The following UGT8 variants were observed in gnomAD, a reference collection of about 807,000 sequenced individuals.
The protein encoded by UGT8 is 2-hydroxyacylsphingosine 1-beta-galactosyltransferase.
In UGT8, 12 loss-of-function variants were observed where a neutral mutation model predicts 40.5. The observed-to-expected ratio is 0.30, with a 90% CI of 0.19 to 0.48. UGT8 has a LOEUF of 0.48. Ranked by LOEUF, UGT8 falls within the 20% of genes least tolerant of loss-of-function variation. The pLI is 0.99. For missense variants in UGT8, 513 were observed against 648.7 expected (o/e 0.79, Z 2.27); for synonymous variants, 224 against 240.4 (o/e 0.93, Z 0.63).
At chr4:114,664,423 C>T (rs986014320) in intron 3 of UGT8, among the ~76,000 whole-genome samples, 3 of 152,100 alleles carry the variant, frequency 2.0e-5, no homozygotes, top group South Asian at 2.1e-4. Flanking sequence ...GTTCTACCCT[C>T]GTTTACTCTT....
chr4:114,653,837 A>C (rs1734021884), intron 2 of UGT8, among the ~76,000 whole-genome samples: 1 of 152,116 alleles, frequency 6.6e-6, no homozygotes, highest in Non-Finnish European at 1.5e-5. Flanking sequence ...AATGAAGCTC[A>C]TGAATCTGAA....
chr4:114,661,761 C>T (rs1313225192), intron 2 of UGT8, among the ~76,000 whole-genome samples: 1 of 152,172 alleles, frequency 6.6e-6, no homozygotes, highest in African/African-American at 2.4e-5. Context: ...CACCTTGGTT[C>T]CCACTCTTCC....
chr4:114,667,327 T>C (rs1346854126), intron 4 of UGT8, among the ~76,000 whole-genome samples: 3 of 152,226 alleles, frequency 2.0e-5, no homozygotes, highest in Admixed American at 1.3e-4. Flanking sequence ...TGTTTTTGTT[T>C]TGTTTTGTTT....
At chr4:114,644,865 A>T (rs147362573) in intron 2 of UGT8, among the ~76,000 whole-genome samples, 1 of 152,094 alleles carries the variant, frequency 6.6e-6, no homozygotes, top group South Asian at 2.1e-4. Context: ...CTTGCCTCTT[A>T]AGTTATCATT....
intron 1 of UGT8, among the ~76,000 whole-genome samples, chr4:114,606,186 T>C (rs1305885510): frequency 6.6e-6 from 1 of 152,204 alleles, no homozygotes; most frequent in Non-Finnish European, 1.5e-5. Context: ...CACTTAAGTC[T>C]TAATCTGATT....
chr4:114,640,755 A>C (rs959852075), intron 2 of UGT8, among the ~76,000 whole-genome samples: 1 of 152,088 alleles, frequency 6.6e-6, no homozygotes, highest in African/African-American at 2.4e-5. Flanking sequence ...TGTGCAGAAA[A>C]ATTCCTGTTT....
chr4:114,665,848 C>A, intron 4 of UGT8, 92 bp downstream of exon 4: 3 of 944,292 alleles, frequency 3.2e-6, no homozygotes, highest in Non-Finnish European at 3.2e-6. Flanking sequence ...GAGGTTCATA[C>A]GGTATACGGT....
intron 1 of UGT8, among the ~76,000 whole-genome samples, chr4:114,608,550 A>G (rs1730865997): frequency 6.6e-6 from 1 of 152,098 alleles, no homozygotes; most frequent in Non-Finnish European, 1.5e-5. Context: ...GGTGTTCTAT[A>G]TAGGAACAAC....
chr4:114,668,383 T>G, intron 5 of UGT8, 79 bp downstream of exon 5: 1 of 1,156,776 alleles, frequency 8.6e-7, no homozygotes, highest in South Asian at 1.4e-5. Context: ...TTTCAATAGA[T>G]TGTCAATAAA....
Position 114,650,833 on chromosome 4 carries a change from T to C in UGT8, c.823-13162T>C, listed in dbSNP as rs370098524. 3.9e-5 allele frequency among the ~76,000 whole-genome samples: 6 copies of C among 152,122 alleles called. No individual in the cohort carries two copies. The East Asian group carries it at 9.6e-4, about 24-fold the overall frequency. On this transcript the variant is annotated intron_variant, in intron 2 of 5. Transcript: ENST00000310836. ...CTACTCTTTCACTGATATATTTCTT[T>C]CTTGCTTTTTCATACAAAGGTTTTG...
intron 2 of UGT8, among the ~76,000 whole-genome samples, chr4:114,662,230 A>G (rs1392654521): frequency 6.6e-6 from 1 of 152,200 alleles, no homozygotes; most frequent in Non-Finnish European, 1.5e-5. Flanking sequence ...GCCTACCTGA[A>G]ACGTACTCAG....
In UGT8 at chr4:114,631,699, C is replaced by G. The variant is rs146974403; in HGVS notation, c.822+7997C>G. ...ATACTGTTGGTCAGATGACCAGCCACTATTTGAGAACCATTAATTTAAACT... is the reference window on the plus strand; with the variant it reads ...ATACTGTTGGTCAGATGACCAGCCAGTATTTGAGAACCATTAATTTAAACT... On this transcript the variant is annotated intron_variant, in intron 2 of 5. Transcript: ENST00000310836. 5.3e-4 allele frequency among the ~76,000 whole-genome samples: 81 copies of G among 152,280 alleles called. 1 individual carries two copies. In the East Asian group the frequency reaches 0.014, roughly 27 times the overall value.
intron 1 of UGT8, among the ~76,000 whole-genome samples, chr4:114,601,207 G>A (rs1488322334): frequency 6.6e-6 from 1 of 151,838 alleles, no homozygotes; most frequent in African/African-American, 2.4e-5. Flanking sequence ...CAATTTTTTT[G>A]GATAAAAACT....
chr4:114,650,034 A>T (rs769355119), intron 2 of UGT8, among the ~76,000 whole-genome samples: 1 of 152,190 alleles, frequency 6.6e-6, no homozygotes, highest in Non-Finnish European at 1.5e-5. Context: ...TTTCATTGGT[A>T]TGCAGAGATT....
At chr4:114,674,549 T>C (rs1735501579) in intron 5 of UGT8, among the ~76,000 whole-genome samples, 1 of 152,238 alleles carries the variant, frequency 6.6e-6, no homozygotes, top group Non-Finnish European at 1.5e-5. Context: ...CCTGATATAA[T>C]GGCTCTTTGG....
At chr4:114,656,050 T>C (rs1734169238) in intron 2 of UGT8, among the ~76,000 whole-genome samples, 1 of 152,176 alleles carries the variant, frequency 6.6e-6, no homozygotes, top group Non-Finnish European at 1.5e-5. Flanking sequence ...AGGGATGCTA[T>C]ATTCTGCATG....
At chr4:114,672,065 A>T (rs968714423) in intron 5 of UGT8, among the ~76,000 whole-genome samples, 1 of 152,252 alleles carries the variant, frequency 6.6e-6, no homozygotes, top group East Asian at 1.9e-4. Context: ...AAACATATGT[A>T]AAAAAGGTTA....
At chr4:114,621,550 A>G (rs898548494) in intron 1 of UGT8, among the ~76,000 whole-genome samples, 1 of 152,200 alleles carries the variant, frequency 6.6e-6, no homozygotes, top group Non-Finnish European at 1.5e-5. Context: ...TATAACTGCA[A>G]ATGTAACCAT....
At chr4:114,670,339 G>A (rs1464358368) in intron 5 of UGT8, among the ~76,000 whole-genome samples, 2 of 140,934 alleles carry the variant, frequency 1.4e-5, no homozygotes, top group Admixed American at 7.9e-5. Context: ...GCTGAGGCAG[G>A]AGAATGGCGT....
Sources: allele counts gnomAD v4.1 joint callset (sites outside exome capture counted in the v4.1 genomes callset), GRCh38; gene constraint gnomAD v4.1.1; transcripts MANE v1.5; gene names NCBI Gene and HGNC (gene_info 2026-07-23, HGNC 2026-07-21).